LATS2: variants seen among roughly 807,000 people sequenced by gnomAD.
The protein encoded by LATS2 is large tumor suppressor kinase 2.
LATS2 carries 24 observed loss-of-function variants against 76.0 expected under a neutral mutation model. The observed-to-expected ratio is 0.32, with a 90% CI of 0.23 to 0.44. The LOEUF is 0.44. Among genes scored for constraint, LATS2 ranks in the 20% least tolerant of loss-of-function variants. The pLI is 1.00. For synonymous variants in LATS2, 692 were observed against 635.4 expected (o/e 1.09, Z -1.34); for missense variants, 1,286 against 1,481.2 (o/e 0.87, Z 2.16).
At chr13:21,044,872 A>C (rs1390389994) in intron 2 of LATS2, among the ~76,000 whole-genome samples, 2 of 7,522 alleles carry the variant, frequency 2.7e-4, no homozygotes, top group Admixed American at 4.7e-3. Flanking sequence ...TGGGACTACA[A>C]GGTGCACACC....
At chr13:21,042,701 A>G (rs1330262740) in intron 2 of LATS2, among the ~76,000 whole-genome samples, 3 of 152,084 alleles carry the variant, frequency 2.0e-5, no homozygotes, top group Non-Finnish European at 4.4e-5. Flanking sequence ...ACAAAACAGT[A>G]GGAGTGGCTG....
At position 20,977,765 on chromosome 13, in the gene LATS2, T is replaced by C. The variant is rs1047034880; in HGVS notation, c.2772+1926A>G. 2.0e-5 allele frequency among the ~76,000 whole-genome samples: 3 copies of C among 150,738 alleles called. No homozygotes were observed. The Admixed American group carries it at 2.0e-4, about 10-fold the overall frequency. The stretch of plus-strand genomic sequence containing the variant: ...AATAATTAGATGGTAAATTTTATGT[T>C]ATGTATATTTTACCAGAATAAAAAA... On this transcript the variant is annotated intron_variant, in intron 7 of 7. Transcript: ENST00000382592.
At chr13:20,994,192 A>C (rs1288024028) in intron 2 of LATS2, among the ~76,000 whole-genome samples, 2 of 152,246 alleles carry the variant, frequency 1.3e-5, no homozygotes, top group Non-Finnish European at 2.9e-5. Context: ...ACTCATGTTC[A>C]GAAGGGAGTT....
chr13:20,982,489 T>C (rs150850950), intron 5 of LATS2, among the ~76,000 whole-genome samples: 1,628 of 152,236 alleles, frequency 0.011, 32 homozygotes, highest in African/African-American at 0.038. Flanking sequence ...TTTGTTATTT[T>C]TAGTAGAGAC....
At chr13:20,979,928 G>T in intron 6 of LATS2, 131 bp from the exon 7 acceptor site, 1 of 499,218 alleles carries the variant, frequency 2.0e-6, no homozygotes, top group Non-Finnish European at 3.6e-6. Flanking sequence ...CTGTGCGCAA[G>T]ATGGACCTAT....
At chr13:21,044,196 C>T (rs1416540961) in intron 2 of LATS2, among the ~76,000 whole-genome samples, 1 of 152,180 alleles carries the variant, frequency 6.6e-6, no homozygotes, top group Non-Finnish European at 1.5e-5. Context: ...CAAGGAAGCC[C>T]TCTATAAAAC....
At chr13:21,043,537 A>C (rs1365568837) in intron 2 of LATS2, among the ~76,000 whole-genome samples, 2 of 152,210 alleles carry the variant, frequency 1.3e-5, no homozygotes, top group African/African-American at 4.8e-5. Flanking sequence ...GTGGAGGCAC[A>C]GCTGTTTTAA....
intron 2 of LATS2, among the ~76,000 whole-genome samples, chr13:20,998,170 G>A (rs533390772): frequency 1.3e-5 from 2 of 152,162 alleles, no homozygotes; most frequent in African/African-American, 4.8e-5. Flanking sequence ...AGACCAGCCT[G>A]GGCAAGACCC....
chr13:21,041,823 C>T (rs1161357011), intron 2 of LATS2, among the ~76,000 whole-genome samples: 1 of 152,074 alleles, frequency 6.6e-6, no homozygotes, highest in Non-Finnish European at 1.5e-5. Flanking sequence ...GGAACCTCAC[C>T]CTCACAGGAC....
chr13:21,032,889 T>G (rs946075446), intron 2 of LATS2, among the ~76,000 whole-genome samples: 5 of 151,860 alleles, frequency 3.3e-5, no homozygotes, highest in African/African-American at 1.2e-4. Context: ...GCGAACCCAG[T>G]GTGGGAGAAA....
chr13:21,001,327 A>G (rs866147184), intron 2 of LATS2, among the ~76,000 whole-genome samples: 3 of 152,230 alleles, frequency 2.0e-5, no homozygotes, highest in South Asian at 2.1e-4. Context: ...TTCATGTGTA[A>G]CAGTGCTACC....
At chr13:21,019,545 G>T (rs1241003050) in intron 2 of LATS2, among the ~76,000 whole-genome samples, 1 of 137,898 alleles carries the variant, frequency 7.3e-6, no homozygotes, top group African/African-American at 2.7e-5. Context: ...GTTTCACCAT[G>T]TTGGCCAGGC....
chr13:20,996,377 ATTTTTT>A (rs34278498), intron 2 of LATS2, among the ~76,000 whole-genome samples: 1 of 136,820 alleles, frequency 7.3e-6, no homozygotes. Context: ...GTGGTAGAAG[ATTTTTT>A]TTTTTTTTTT....
intron 1 of LATS2, among the ~76,000 whole-genome samples, chr13:21,047,725 T>G: frequency 6.6e-6 from 1 of 151,522 alleles, no homozygotes; most frequent in South Asian, 2.1e-4. Flanking sequence ...AAAGGATAGC[T>G]AATATTCACC....
chr13:20,992,704 C>T (rs368487061), intron 2 of LATS2, among the ~76,000 whole-genome samples: 8 of 152,048 alleles, frequency 5.3e-5, no homozygotes, highest in East Asian at 3.9e-4. Flanking sequence ...CGGGGAGCTC[C>T]GGAAAGGAGT....
In LATS2 at chr13:20,975,168, A is replaced by G; in HGVS notation, c.2969T>C (p.Val990Ala). The G allele has an allele frequency of 1.2e-5, 20 of 1,614,086 alleles. No individual in the cohort carries two copies. Among genetic ancestry groups the G allele is most frequent in the Non-Finnish European group, 1.7e-5 (20 of 1,179,990 alleles). Reference sequence around the variant, plus strand: ...GTCCATGGGGTGGCTGATGGTGGGAACGTAGGGGGCTGGCTGCTTCCGGAT... The same window carrying G: ...GTCCATGGGGTGGCTGATGGTGGGAGCGTAGGGGGCTGGCTGCTTCCGGAT... ...SDIRKQPAPY[V>A]PTISHPMDTS... Residue 990 changes from valine to alanine, a missense_variant, in exon 8 of 8, where the codon GTT (valine) becomes GCT (alanine). By Grantham distance (64) the Val-to-Ala change is moderately conservative (BLOSUM62 0). This residue lies in a region of LATS2 where 210 missense variants were observed against 234.9 expected (regional missense o/e 0.89). Transcript: ENST00000382592.
intron 6 of LATS2, among the ~76,000 whole-genome samples, chr13:20,980,152 G>A (rs1869806350): frequency 6.6e-6 from 1 of 152,308 alleles, no homozygotes; most frequent in South Asian, 2.1e-4. Context: ...AACATAAAGT[G>A]CTATAACCTG....
rs1180763253 is a variant in LATS2, at chr13:20,983,011, A to AC, written c.2482+212_2482+213insG. Among the ~76,000 whole-genome samples, 618 of 151,468 alleles carry AC rather than the reference A, an allele frequency of 4.1e-3. 45 individuals are homozygous for AC. The East Asian group carries it at 0.11, about 26-fold the overall frequency. On this transcript the variant is annotated intron_variant, in intron 5 of 7. Transcript: ENST00000382592. ...CTGTCTCAAAAAAAAAAAAAAAAAA[A>AC]AGTAAACCTGAAATCCACTACCTTA... is the stretch of plus-strand genomic sequence containing the variant.
At chr13:21,003,654 C>T (rs1871144739) in intron 2 of LATS2, among the ~76,000 whole-genome samples, 1 of 152,104 alleles carries the variant, frequency 6.6e-6, no homozygotes, top group Non-Finnish European at 1.5e-5. Flanking sequence ...GTTGACCAGG[C>T]TGGTCTTGAT....
Sources: allele counts gnomAD v4.1 joint callset (sites outside exome capture counted in the v4.1 genomes callset), GRCh38; gene constraint gnomAD v4.1.1; regional missense constraint gnomAD v4.1.1; transcripts MANE v1.5; gene names NCBI Gene and HGNC (gene_info 2026-07-23, HGNC 2026-07-21).